Variants in TNNI3K observed in about 807,000 individuals in gnomAD.
The protein encoded by TNNI3K is TNNI3 interacting kinase, also known as serine/threonine-protein kinase TNNI3K.
A neutral mutation model predicts 114.5 loss-of-function variants in TNNI3K; 140 were observed. That is an observed-to-expected ratio of 1.22 (90% CI 1.07 to 1.41). The LOEUF (loss-of-function observed/expected upper bound fraction) is 1.41, where lower values mean the gene tolerates loss of function less well. Among genes scored for constraint, TNNI3K ranks in the 40% most tolerant of loss-of-function variants. The pLI, the probability that TNNI3K is intolerant of heterozygous loss-of-function variation, is 0.00. For missense variants in TNNI3K, 1,125 were observed against 1,007.6 expected (o/e 1.12, Z -1.58); for synonymous variants, 347 against 347.5 (o/e 1.00, Z 0.02).
intron 21 of TNNI3K, among the ~76,000 whole-genome samples, chr1:74,483,600 C>A (rs1668606328): frequency 6.6e-6 from 1 of 152,150 alleles, no homozygotes; most frequent in South Asian, 2.1e-4. Flanking sequence ...ACATCCAGGG[C>A]ATATTTATTA....
At chr1:74,316,697 T>G (rs1343624748) in intron 5 of TNNI3K, among the ~76,000 whole-genome samples, 1 of 151,408 alleles carries the variant, frequency 6.6e-6, no homozygotes, top group Non-Finnish European at 1.5e-5. Context: ...TTTATTTATT[T>G]ATTTATTTTT....
chr1:74,471,790 T>A (rs1667944553), intron 21 of TNNI3K: 1 of 420,054 alleles, frequency 2.4e-6, no homozygotes. Flanking sequence ...AAGAAATTTT[T>A]CTATTGCACT....
Position 74,436,481 on chromosome 1 carries a change from A to T in TNNI3K, c.1833A>T (p.Arg611Ser), listed in dbSNP as rs1666133296. ...ATTTTCTCTTTCCCTCAGAATCAAG[A>T]TTTCTACAGTCTCTGGATGAAGACA... is the stretch of plus-strand genomic sequence containing the variant. ...HAVVADFGES[R>S]FLQSLDEDNM... Residue 611 changes from arginine (R) to serine (S), a missense_variant, in exon 19 of 25, where the codon AGA becomes AGT. Transcript: ENST00000326637. 4 of 1,580,078 alleles carry T rather than the reference A, an allele frequency of 2.5e-6. No homozygotes were observed. Among genetic ancestry groups the T allele is most frequent in the South Asian group, 1.2e-5 (1 of 84,278 alleles).
chr1:74,258,384 C>A lies in TNNI3K; in HGVS notation c.333+7615C>A, dbSNP rs896693851. On this transcript the variant is annotated intron_variant, in intron 4 of 24. Transcript: ENST00000326637. Reference sequence around the variant, plus strand: ...TGAGACTTCCTATTATGCTTTGTGGCAGAAAAGTATTTCAGGCAGAAAACC... The same window carrying A: ...TGAGACTTCCTATTATGCTTTGTGGAAGAAAAGTATTTCAGGCAGAAAACC... Among the ~76,000 whole-genome samples, 6 of 152,168 alleles carry A rather than the reference C, an allele frequency of 3.9e-5. No individual in the cohort carries two copies. The South Asian group carries it at 6.2e-4, about 16-fold the overall frequency.
intron 16 of TNNI3K, chr1:74,369,786 A>G (rs754227994): frequency 9.2e-5 from 53 of 575,066 alleles, no homozygotes; most frequent in Non-Finnish European, 1.2e-4. Context: ...CTTTCTTAGC[A>G]GAAATTCAGT....
At chr1:74,258,731 C>T (rs1047897348) in intron 4 of TNNI3K, among the ~76,000 whole-genome samples, 5 of 152,148 alleles carry the variant, frequency 3.3e-5, no homozygotes, top group African/African-American at 1.2e-4. Context: ...TAATTTATAA[C>T]TTTTCTGGAA....
chr1:74,525,623 G>A (rs554624263), intron 23 of TNNI3K, among the ~76,000 whole-genome samples: 50 of 152,216 alleles, frequency 3.3e-4, no homozygotes, highest in Non-Finnish European at 6.6e-4. Context: ...AACAAAGCAT[G>A]GCTCCTAGTC....
chr1:74,406,740 A>G (rs1664633030), intron 17 of TNNI3K, among the ~76,000 whole-genome samples: 1 of 152,226 alleles, frequency 6.6e-6, no homozygotes, highest in African/African-American at 2.4e-5. Context: ...TTGAGTGGCC[A>G]TCCTGCCTAC....
chr1:74,258,598 C>T (rs1655472846), intron 4 of TNNI3K, among the ~76,000 whole-genome samples: 1 of 152,136 alleles, frequency 6.6e-6, no homozygotes, highest in Admixed American at 6.5e-5. Flanking sequence ...TTTTGCATTG[C>T]TTCCAAAATG....
In TNNI3K at chr1:74,236,168, A is replaced by G. The variant is rs75388652; in HGVS notation, c.107A>G (p.Gln36Arg). ...ATAGAAAGATTAGAAGATGACCTGC[A>G]GATCAAGGAAAAAGAACTGACAGAA... ...ITIERLEDDLQIKEKELTELR... is the reference protein window; with the variant it reads ...ITIERLEDDLRIKEKELTELR... The change falls in exon 2 of 25, where the codon CAG becomes CGG. Residue 36 changes from glutamine to arginine, a missense_variant. Coordinates refer to ENST00000326637, the MANE Select transcript of TNNI3K (RefSeq NM_015978.3). 6.2e-7 allele frequency: 1 copy of G among 1,608,236 alleles called. No homozygotes were observed. The highest frequency in any genetic ancestry group is 8.5e-7 in the Non-Finnish European group (1 of 1,176,070).
At chr1:74,328,319 G>A (rs898010375) in intron 5 of TNNI3K, among the ~76,000 whole-genome samples, 1 of 151,678 alleles carries the variant, frequency 6.6e-6, no homozygotes, top group African/African-American at 2.4e-5. Flanking sequence ...AACTTTTTCA[G>A]GTTCTGAAGC....
intron 4 of TNNI3K, among the ~76,000 whole-genome samples, chr1:74,255,757 A>G (rs888447622): frequency 3.3e-5 from 5 of 152,320 alleles, no homozygotes; most frequent in South Asian, 2.1e-4. Context: ...TACTATACCA[A>G]AAAGTTCCCT....
intron 5 of TNNI3K, among the ~76,000 whole-genome samples, chr1:74,314,830 G>C (rs1309791655): frequency 6.6e-6 from 1 of 152,056 alleles, no homozygotes; most frequent in Non-Finnish European, 1.5e-5. Flanking sequence ...GACACCACAG[G>C]CTCTTAAACT....
intron 23 of TNNI3K, among the ~76,000 whole-genome samples, chr1:74,524,234 AAG>A (rs1185658684): frequency 6.6e-6 from 1 of 152,216 alleles, no homozygotes; most frequent in African/African-American, 2.4e-5. Flanking sequence ...AGGCATTCTG[AAG>A]AGTCTGTTGG....
rs1351330576 is a variant in TNNI3K at position 74,369,524 on chromosome 1, G to A, written c.1606G>A (p.Ala536Thr). 2 of 1,612,536 alleles carry A rather than the reference G, an allele frequency of 1.2e-6. No individual in the cohort carries two copies. Among genetic ancestry groups the A allele is most frequent in the African/African-American group, 2.7e-5 (2 of 74,778 alleles). Reference protein sequence around the residue: ...GACLNDPSQFAIVTQYISGGS... With the variant: ...GACLNDPSQFTIVTQYISGGS... ...TTGCTTGAATGATCCCAGCCAGTTTGCCATTGTCACTCAATACATATCAGG... is the reference window on the plus strand; with the variant it reads ...TTGCTTGAATGATCCCAGCCAGTTTACCATTGTCACTCAATACATATCAGG... Residue 536 changes from alanine (A) to threonine (T), a missense_variant, in exon 16 of 25, where the codon GCC becomes ACC. Coordinates refer to ENST00000326637, the MANE Select transcript of TNNI3K (RefSeq NM_015978.3).
chr1:74,468,611 G>A, intron 21 of TNNI3K: 1 of 152,130 alleles, frequency 6.6e-6, no homozygotes, highest in African/African-American at 2.4e-5. Flanking sequence ...ACTCTGAATA[G>A]GAAGGGAAAC....
chr1:74,516,531 C>A lies in TNNI3K; in HGVS notation c.2352-23703C>A, dbSNP rs1012842821. 2.6e-5 allele frequency among the ~76,000 whole-genome samples: 4 copies of A among 151,648 alleles called. No homozygotes were observed. In the East Asian group the frequency reaches 7.8e-4, roughly 29 times the overall value. On this transcript the variant is annotated intron_variant, in intron 23 of 24. Transcript: ENST00000326637. ...GAAAGAAGTTCATTGTGTGTAGAGC[C>A]TGCCTATATGAGGCAGGGAGCAATA...
chr1:74,362,830 G>A (rs1258599274), intron 11 of TNNI3K, among the ~76,000 whole-genome samples: 2 of 152,048 alleles, frequency 1.3e-5, no homozygotes, highest in Admixed American at 6.6e-5. Context: ...ACTGAATTTG[G>A]AGAATACACA....
At chr1:74,445,890 G>A (rs566529046) in intron 20 of TNNI3K, among the ~76,000 whole-genome samples, 8 of 152,254 alleles carry the variant, frequency 5.3e-5, no homozygotes, top group East Asian at 1.9e-4. Flanking sequence ...GACTACAGGC[G>A]TGAGCCACCG....
Sources: gnomAD v4.1 joint callset for allele counts (sites outside exome capture counted in the v4.1 genomes callset) on GRCh38, gnomAD v4.1.1 for gene constraint, MANE v1.5 for transcripts, NCBI Gene and HGNC (gene_info 2026-07-23, HGNC 2026-07-21) for gene names.